Variants in SMURF2 observed in about 807,000 individuals in gnomAD.
The protein encoded by SMURF2 is SMAD specific E3 ubiquitin protein ligase 2, also known as E3 ubiquitin-protein ligase SMURF2.
SMURF2 carries 48 observed loss-of-function variants against 109.6 expected under a neutral mutation model. The ratio of observed to expected loss-of-function variants is 0.44; its 90% CI spans 0.35 to 0.56. SMURF2 has a LOEUF of 0.56. Among genes scored for constraint, SMURF2 ranks in the 20% least tolerant of loss-of-function variants. The probability of loss-of-function intolerance (pLI) is 0.01; values close to 1 mark genes in which losing one functional copy is unlikely to be tolerated. For missense variants in SMURF2, 575 were observed against 909.0 expected, an observed-to-expected ratio of 0.63 and a Z score of 4.72; for synonymous variants, 288 against 317.1, an observed-to-expected ratio of 0.91 and a Z score of 0.97.
At chr17:64,578,407 A>C (rs555750360) in intron 9 of SMURF2, 85 bp downstream of exon 9, 1 of 880,582 alleles carries the variant, frequency 1.1e-6, no homozygotes, top group African/African-American at 1.7e-5. Flanking sequence ...CTATTTTTAA[A>C]AGGTAAAAAT....
rs782095427 is a variant in SMURF2 at position 64,551,716 on chromosome 17, C to T, written c.1749-12G>A. The T allele has an allele frequency of 1.2e-5, 19 of 1,612,896 alleles. No homozygotes were observed. Among genetic ancestry groups the T allele is most frequent in the East Asian group, 1.1e-4 (5 of 44,846 alleles). ...AGTTCACATAGAGCCTGTAAACATT[C>T]GGCAGGATTTCGTATAATCACATGT... On this transcript the variant is annotated splice_polypyrimidine_tract_variant and intron_variant, in intron 15 of 18. Coordinates refer to ENST00000262435, the MANE Select transcript of SMURF2 (RefSeq NM_022739.4).
At chr17:64,604,608 A>C (rs551950907) in intron 2 of SMURF2, among the ~76,000 whole-genome samples, 1 of 152,254 alleles carries the variant, frequency 6.6e-6, no homozygotes, top group South Asian at 2.1e-4. Flanking sequence ...TTTTATCTTC[A>C]AAACCAGAGC....
rs782108294 is a variant in SMURF2, at chr17:64,580,970, G to A, written c.591C>T (p.Ser197=). ...RPTRPASEYS[S]PGRPLSCFVD... ...CAAAGCAGCTAAGAGGTCTGCCAGG[G>A]CTAGAATATTCGGATGCCGGTCTAT... The change falls in exon 8 of 19, where the codon AGC becomes AGT. Residue 197 remains serine, a synonymous_variant. Transcript: ENST00000262435. 6.2e-7 allele frequency: 1 copy of A among 1,614,086 alleles called. No homozygotes were observed. The highest frequency in any genetic ancestry group is 1.7e-5 in the Admixed American group (1 of 60,014).
chr17:64,606,802 T>C (rs1246246897), intron 1 of SMURF2, among the ~76,000 whole-genome samples, 162 bp from the exon 2 acceptor site: 1 of 152,142 alleles, frequency 6.6e-6, no homozygotes, highest in East Asian at 1.9e-4. Flanking sequence ...AAAAGACAGT[T>C]GAACCAGTGG....
At chr17:64,656,875 T>C (rs1161235927) in intron 1 of SMURF2, among the ~76,000 whole-genome samples, 1 of 152,066 alleles carries the variant, frequency 6.6e-6, no homozygotes, top group Non-Finnish European at 1.5e-5. Context: ...ACAGCAAATA[T>C]ATTAAAGCTT....
rs141821449 is a variant in SMURF2, at chr17:64,583,019, G to A, written c.569+442C>T. Among the ~76,000 whole-genome samples the A allele has an allele frequency of 9.9e-5, 15 of 151,738 alleles. No individual in the cohort carries two copies. In the East Asian group the frequency reaches 2.3e-3, roughly 24 times the overall value. ...GTTCAAGCAATCCTCCCACCTCCAC[G>A]TCCCAAGTAGCTGGGACCACAAGCA... On this transcript the variant is annotated intron_variant, in intron 7 of 18. Coordinates refer to ENST00000262435, the MANE Select transcript of SMURF2 (RefSeq NM_022739.4).
At chr17:64,555,264 A>G (rs1969102520) in intron 14 of SMURF2, among the ~76,000 whole-genome samples, 1 of 152,322 alleles carries the variant, frequency 6.6e-6, no homozygotes, top group East Asian at 1.9e-4. Context: ...GGACAATTTC[A>G]GTTACATTTG....
intron 2 of SMURF2, among the ~76,000 whole-genome samples, chr17:64,599,674 T>C (rs1969866430): frequency 6.6e-6 from 1 of 152,214 alleles, no homozygotes; most frequent in Non-Finnish European, 1.5e-5. Flanking sequence ...GGATCTAGGT[T>C]GTGCGCTCCT....
chr17:64,653,582 CTGA>C (rs1400997621), intron 1 of SMURF2, among the ~76,000 whole-genome samples: 2 of 152,116 alleles, frequency 1.3e-5, no homozygotes, highest in African/African-American at 4.8e-5. Flanking sequence ...TCTCAGGTAG[CTGA>C]TACTACAGGC....
Position 64,580,899 on chromosome 17 carries a change from C to T in SMURF2, c.662G>A (p.Gly221Glu). Residue 221 changes from glycine (G) to glutamate (E), a missense_variant, in exon 8 of 19, where the codon GGA becomes GAA. By Grantham distance (98) the Gly-to-Glu change is moderately conservative (BLOSUM62 -2). This residue lies in a region of SMURF2 where 151 missense variants were observed against 178.4 expected (regional missense o/e 0.85). Transcript: ENST00000262435. ...PISGTNGATC[G>E]QSSDPRLAER... ...TGCCAGCCTGGGATCTGAAGACTGT[C>T]CACATGTTGCACCATTTGTTCCACT... is the stretch of plus-strand genomic sequence containing the variant. 1 of 1,614,122 alleles carries T rather than the reference C, an allele frequency of 6.2e-7. No individual in the cohort carries two copies. Among genetic ancestry groups the T allele is most frequent in the Non-Finnish European group, 8.5e-7 (1 of 1,180,012 alleles).
intron 3 of SMURF2, among the ~76,000 whole-genome samples, chr17:64,594,286 G>A (rs1474955899): frequency 6.6e-6 from 1 of 152,108 alleles, no homozygotes; most frequent in Non-Finnish European, 1.5e-5. Flanking sequence ...TCAAATTTTT[G>A]GTCCAGCAAC....
chr17:64,637,923 C>CAAAAAAAAAAAAAAAAAAAAAAAAAAA lies in SMURF2; in HGVS notation c.52+23905_52+23906insTTTTTTTTTTTTTTTTTTTTTTTTTTT, dbSNP rs59701513. Among the ~76,000 whole-genome samples the CAAAAAAAAAAAAAAAAAAAAAAAAAAA allele has an allele frequency of 1.9e-3, 138 of 72,520 alleles. 3 individuals carry two copies. The highest frequency in any genetic ancestry group is 2.9e-3 in the South Asian group (6 of 2,056). 47.6% of individuals were successfully genotyped at this position (72,520 alleles called of 152,430 possible). ...CATTGAATGGTTTTGGCGCCCTAGT[C>CAAAAAAAAAAAAAAAAAAAAAAAAAAA]AAAAAAAAAAAAAAAAAAAATCAAC... On this transcript the variant is annotated intron_variant, in intron 1 of 18. Transcript: ENST00000262435.
At chr17:64,615,399 A>G (rs1970107642) in intron 1 of SMURF2, among the ~76,000 whole-genome samples, 1 of 152,242 alleles carries the variant, frequency 6.6e-6, no homozygotes, top group South Asian at 2.1e-4. Context: ...AACTTATGTT[A>G]TCATTGTAAA....
chr17:64,630,904 T>C (rs1237844983), intron 1 of SMURF2, among the ~76,000 whole-genome samples: 2 of 151,930 alleles, frequency 1.3e-5, no homozygotes, highest in Admixed American at 6.6e-5. Context: ...TCAAATGCAG[T>C]GGTAAGGTCA....
At position 64,545,939 on chromosome 17, in the gene SMURF2, C is replaced by A; in HGVS notation, c.2156G>T (p.Arg719Leu). ...NLPKAHTCFNRIDIPPYESYE... is the reference protein window; with the variant it reads ...NLPKAHTCFNLIDIPPYESYE... ...GCTTTCATAGGGTGGAATGTCTATT[C>A]GATTGAAGCTGTGAATAAGCAAATC... is the stretch of plus-strand genomic sequence containing the variant. The change falls in exon 19 of 19, where the codon CGA becomes CTA. Residue 719 changes from arginine to leucine, a missense_variant. Around this residue, in one of 5 missense-constraint regions of SMURF2, gnomAD observed 361 missense variants for 612.1 expected, o/e 0.59. Transcript: ENST00000262435. 6.2e-7 allele frequency: 1 copy of A among 1,602,914 alleles called. No homozygotes were observed. The highest frequency in any genetic ancestry group is 1.1e-5 in the South Asian group (1 of 90,866).
intron 10 of SMURF2, among the ~76,000 whole-genome samples, chr17:64,566,535 G>A (rs1159063127): frequency 1.5e-5 from 2 of 136,940 alleles, no homozygotes; most frequent in Admixed American, 7.8e-5. Context: ...AAACAAAAAC[G>A]GATGTAGAAA....
At chr17:64,568,302 T>C (rs1201778845) in intron 10 of SMURF2, among the ~76,000 whole-genome samples, 1 of 152,114 alleles carries the variant, frequency 6.6e-6, no homozygotes, top group Non-Finnish European at 1.5e-5. Flanking sequence ...ACATAATGGT[T>C]TTTAAGAAGG....
chr17:64,569,346 A>C (rs1445014235), intron 10 of SMURF2, among the ~76,000 whole-genome samples: 3 of 152,164 alleles, frequency 2.0e-5, no homozygotes, highest in Non-Finnish European at 4.4e-5. Flanking sequence ...ACATGGATTA[A>C]AGACTTTACA....
At chr17:64,571,987 C>T in intron 9 of SMURF2, 31 bp from the exon 10 acceptor site, 2 of 1,585,032 alleles carry the variant, frequency 1.3e-6, no homozygotes, top group African/African-American at 1.4e-5. Context: ...TAAAAAATAC[C>T]TCATTGCTCG....
Sources: gnomAD v4.1 joint callset for allele counts (sites outside exome capture counted in the v4.1 genomes callset) on GRCh38, gnomAD v4.1.1 for gene constraint, gnomAD v4.1.1 regional missense constraint, MANE v1.5 for transcripts, NCBI Gene and HGNC (gene_info 2026-07-23, HGNC 2026-07-21) for gene names.